The following GPR179 variants were observed in gnomAD, a reference collection of about 807,000 sequenced individuals.
GPR179 encodes the protein probable G protein-coupled receptor 179.
Under a neutral mutation model 70.8 loss-of-function variants are expected in GPR179, and 52 were observed. The ratio of observed to expected loss-of-function variants is 0.73; its 90% CI spans 0.59 to 0.93. The LOEUF (loss-of-function observed/expected upper bound fraction) is 0.93, where lower values mean the gene tolerates loss of function less well. GPR179 is among the 40% of genes least tolerant of loss of function. The pLI is 0.00. For synonymous variants in GPR179, 1,123 were observed against 1,169.0 expected (o/e 0.96, Z 0.80); for missense variants, 2,734 against 2,966.8 (o/e 0.92, Z 1.82).
At position 38,328,566 on chromosome 17, in the gene GPR179, G is replaced by A. The variant is rs1275072340; in HGVS notation, c.5003C>T (p.Thr1668Ile). Residue 1668 changes from threonine (T) to isoleucine (I), a missense_variant, in exon 11 of 11, where the codon ACA becomes ATA. By Grantham distance (89) the Thr-to-Ile change is moderately conservative. Coordinates refer to ENST00000616987, the MANE Select transcript of GPR179 (RefSeq NM_001004334.4). ...CTGGAGAAGGGTTTGGGGTCTCTCT[G>A]TGTCTTGAGGACGTGGTTGTGGGGA... is the stretch of plus-strand genomic sequence containing the variant. Reference protein sequence around the residue: ...SFSPQPRPQDTERPQTLLQMS... With the variant: ...SFSPQPRPQDIERPQTLLQMS... 1.9e-6 allele frequency: 3 copies of A among 1,614,108 alleles called. No individual in the cohort carries two copies. The South Asian group carries it at 3.3e-5, about 18-fold the overall frequency.
chr17:38,337,246 GC>G, intron 3 of GPR179, 33 bp from the exon 4 acceptor site: 1 of 1,561,364 alleles, frequency 6.4e-7, no homozygotes. Context: ...AGGGAGAGGG[GC>G]CCAGCTAGAG....
chr17:38,330,933 A>C lies in GPR179; in HGVS notation c.2636T>G (p.Met879Arg), dbSNP rs746726625. The change falls in exon 11 of 11, where the codon ATG becomes AGG. Residue 879 changes from methionine (M) to arginine (R), a missense_variant. Coordinates refer to ENST00000616987, the MANE Select transcript of GPR179 (RefSeq NM_001004334.4). ...REERKKAKAA[M>R]ASLVRRPSAR... ...TGATGGCCTCCGCACCAGGCTGGCC[A>C]TGGCTGCCTTGGCCTTCTTCCGCTC... 1.2e-6 allele frequency: 2 copies of C among 1,609,870 alleles called. No individual in the cohort carries two copies. Among genetic ancestry groups the C allele is most frequent in the Admixed American group, 3.4e-5 (2 of 59,568 alleles).
chr17:38,336,628 A>C (rs1315475758), intron 4 of GPR179, among the ~76,000 whole-genome samples: 1 of 152,038 alleles, frequency 6.6e-6, no homozygotes, highest in Non-Finnish European at 1.5e-5. Flanking sequence ...GCTGACAGAC[A>C]CCTCCATCCT....
rs1280034120 is a variant in GPR179 at position 38,327,286 on chromosome 17, C to G, written c.6283G>C (p.Asp2095His). ...LSPQPAPDAS[D>H]RSRGSSEAAG... is the part of the protein sequence containing the mutation. ...GCCTCAGAACTGCCTCTGCTTCTGTCAGAAGCATCTGGGGCTGGCTGTGGG... is the reference window on the plus strand; with the variant it reads ...GCCTCAGAACTGCCTCTGCTTCTGTGAGAAGCATCTGGGGCTGGCTGTGGG... The change falls in exon 11 of 11, where the codon GAC becomes CAC. Residue 2095 changes from aspartate (D) to histidine (H), a missense_variant. Transcript: ENST00000616987. 2 of 1,614,232 alleles carry G rather than the reference C, an allele frequency of 1.2e-6. No homozygotes were observed. Among genetic ancestry groups the G allele is most frequent in the South Asian group, 2.2e-5 (2 of 91,088 alleles).
At chr17:38,336,373 G>T (rs2037404651) in intron 4 of GPR179, among the ~76,000 whole-genome samples, 1 of 152,204 alleles carries the variant, frequency 6.6e-6, no homozygotes, top group Non-Finnish European at 1.5e-5. Context: ...ACACATCCCT[G>T]TGTTCCTCCC....
Position 38,326,823 on chromosome 17 carries a change from A to T in GPR179, c.6746T>A (p.Val2249Asp), listed in dbSNP as rs1454207425. The stretch of plus-strand genomic sequence containing the variant: ...CAGGAGGCCAGATTCCTCAGATGGG[A>T]CTCCAGTTTCCTCCCCAGGACAGAT... ...ADICPGEETG[V>D]PSEESGLLAL... Residue 2249 changes from valine to aspartate, a missense_variant, in exon 11 of 11, where the codon GTC (valine) becomes GAC (aspartate). Transcript: ENST00000616987. The T allele has an allele frequency of 1.2e-6, 2 of 1,613,804 alleles. No homozygotes were observed. The highest frequency in any genetic ancestry group is 1.7e-6 in the Non-Finnish European group (2 of 1,179,984).
chr17:38,328,003 C>T lies in GPR179; in HGVS notation c.5566G>A (p.Gly1856Arg). The part of the protein sequence containing the change: ...ALEKGRLTSL[G>R]EDVSKGMAKL... ...GCCATCCCTTTTGATACGTCTTCTC[C>T]CAGGGAAGTGAGTCTCCCCTTTTCT... The change falls in exon 11 of 11, where the codon GGA becomes AGA. Residue 1856 changes from glycine (G) to arginine (R), a missense_variant. Coordinates refer to ENST00000616987, the MANE Select transcript of GPR179 (RefSeq NM_001004334.4). 2 of 1,614,114 alleles carry T rather than the reference C, an allele frequency of 1.2e-6. No individual in the cohort carries two copies. Among genetic ancestry groups the T allele is most frequent in the Non-Finnish European group, 1.7e-6 (2 of 1,180,000 alleles).
chr17:38,340,604 G>C lies in GPR179; in HGVS notation c.795-1079C>G, dbSNP rs897845127. Among the ~76,000 whole-genome samples the C allele has an allele frequency of 2.0e-5, 3 of 152,184 alleles. No individual in the cohort carries two copies. The East Asian group carries it at 5.8e-4, about 29-fold the overall frequency. On this transcript the variant is annotated intron_variant, in intron 1 of 10. Transcript: ENST00000616987. ...TGCCACTGGGTCTTCATTTCTGAAGGCTCCTGTGTCATGTAAAACTTTGGC... is the reference window on the plus strand; with the variant it reads ...TGCCACTGGGTCTTCATTTCTGAAGCCTCCTGTGTCATGTAAAACTTTGGC...
Position 38,343,626 on chromosome 17 carries a change from C to T in GPR179, c.164G>A (p.Gly55Glu), listed in dbSNP as rs188849668. Residue 55 changes from glycine to glutamate, a missense_variant, in exon 1 of 11, where the codon GGG (glycine) becomes GAG (glutamate). Transcript: ENST00000616987. This position sits in a 1 kb window ranked among gnomAD's most constrained non-coding sequence, Gnocchi z 4.2. ...GAGATAAGCGAGGGCGGCCTCGGCC[C>T]CCTCTAGGGGCACCTGCATGGGTAC... ...GSVPMQVPLE[G>E]AEAALAYLYS... 3.1e-4 allele frequency: 498 copies of T among 1,613,784 alleles called. 2 individuals carry two copies. The African/African-American group carries it at 6.2e-3, about 20-fold the overall frequency.
chr17:38,328,681 C>T lies in GPR179; in HGVS notation c.4888G>A (p.Glu1630Lys), dbSNP rs149998444. Reference protein sequence around the residue: ...KEKMPGKSEIEDVTAWEKPEG... With the variant: ...KEKMPGKSEIKDVTAWEKPEG... ...GGCTTTTCCCAAGCTGTGACATCTT[C>T]GATTTCCGATTTTCCAGGCATTTTC... The change falls in exon 11 of 11, where the codon GAA (glutamate) becomes AAA (lysine). Residue 1630 changes from glutamate (E) to lysine (K), a missense_variant. Transcript: ENST00000616987. The T allele has an allele frequency of 1.9e-4, 306 of 1,614,110 alleles. No homozygotes were observed. The highest frequency in any genetic ancestry group is 1.9e-4 in the Non-Finnish European group (230 of 1,179,984).
chr17:38,335,144 C>A lies in GPR179; in HGVS notation c.1534G>T (p.Ala512Ser). 6.3e-7 allele frequency: 1 copy of A among 1,593,014 alleles called. No homozygotes were observed. Among genetic ancestry groups the A allele is most frequent in the Non-Finnish European group, 8.5e-7 (1 of 1,170,430 alleles). The change falls in exon 7 of 11, where the codon GCC becomes TCC. Residue 512 changes from alanine (A) to serine (S), a missense_variant. Ala to Ser is a moderately conservative substitution (Grantham distance 99). Transcript: ENST00000616987. ...LGFLAVWTVG[A>S]LERGIQHAPL... is the part of the protein sequence containing the mutation. ...GCGTGCTGGATGCCTCGCTCCAGGG[C>A]GCCCACGGTCCACACAGCCAGGAAG... is the stretch of plus-strand genomic sequence containing the variant.
At chr17:38,342,430 T>C (rs2037457123) in intron 1 of GPR179, among the ~76,000 whole-genome samples, 1 of 151,160 alleles carries the variant, frequency 6.6e-6, no homozygotes, top group African/African-American at 2.4e-5. Flanking sequence ...GCCTCTGGGG[T>C]TCAGGTTCAA....
rs2037269166 is a variant in GPR179 at position 38,324,732 on chromosome 17, G to C, written c.*1733C>G. Reference sequence around the variant, plus strand: ...TCCACTTTAGCTCAGAAGCCGTAAGGCTAACTAGCCAGAGCCCAGAACAAC... The same window carrying C: ...TCCACTTTAGCTCAGAAGCCGTAAGCCTAACTAGCCAGAGCCCAGAACAAC... On this transcript the variant is annotated 3_prime_UTR_variant, in exon 11 of 11. Transcript: ENST00000616987. 1.3e-5 allele frequency among the ~76,000 whole-genome samples: 2 copies of C among 151,998 alleles called. No individual in the cohort carries two copies. The highest frequency in any genetic ancestry group is 4.1e-4 in the South Asian group (2 of 4,826).
chr17:38,329,102 C>T lies in GPR179; in HGVS notation c.4467G>A (p.Gly1489=), dbSNP rs757270155. The part of the protein sequence containing the change: ...CPWELDDNVM[G]QEMLSLGTGR... Reference sequence around the variant, plus strand: ...CTGTCCCCAGACTCAGCATTTCCTGCCCCATCACGTTATCATCCAGCTCCC... The same window carrying T: ...CTGTCCCCAGACTCAGCATTTCCTGTCCCATCACGTTATCATCCAGCTCCC... Residue 1489 remains glycine (G), a synonymous_variant, in exon 11 of 11, where the codon GGG becomes GGA. Transcript: ENST00000616987. 8 of 1,613,938 alleles carry T rather than the reference C, an allele frequency of 5.0e-6. No homozygotes were observed. The highest frequency in any genetic ancestry group is 1.7e-4 in the Middle Eastern group (1 of 6,058).
rs1173077285 is a variant in GPR179, at chr17:38,327,016, C to T, written c.6553G>A (p.Gly2185Arg). 2.5e-6 allele frequency: 4 copies of T among 1,614,082 alleles called. No individual in the cohort carries two copies. The highest frequency in any genetic ancestry group is 3.4e-6 in the Non-Finnish European group (4 of 1,180,056). The change falls in exon 11 of 11, where the codon GGG (glycine) becomes AGG (arginine). Residue 2185 changes from glycine (G) to arginine (R), a missense_variant. Gly to Arg is a moderately radical substitution (Grantham distance 125). Coordinates refer to ENST00000616987, the MANE Select transcript of GPR179 (RefSeq NM_001004334.4). ...AGCCCTCCTGAGCCTGTGCCTTCCCCAGGGCAGACTGCCTCCTGCTCTCTG... is the reference window on the plus strand; with the variant it reads ...AGCCCTCCTGAGCCTGTGCCTTCCCTAGGGCAGACTGCCTCCTGCTCTCTG... The part of the protein sequence containing the change: ...KPREQEAVCP[G>R]EGTGSGGLLP...
intron 10 of GPR179, among the ~76,000 whole-genome samples, chr17:38,332,791 G>A (rs2037370668): frequency 6.6e-6 from 1 of 152,270 alleles, no homozygotes; most frequent in African/African-American, 2.4e-5. Context: ...TGTATTTCTA[G>A]TAGAGACGAG....
At position 38,330,189 on chromosome 17, in the gene GPR179, G is replaced by A. The variant is rs1597663848; in HGVS notation, c.3380C>T (p.Ser1127Phe). The A allele has an allele frequency of 7.6e-6, 12 of 1,569,286 alleles. No homozygotes were observed. The highest frequency in any genetic ancestry group is 4.1e-5 in the African/African-American group (3 of 73,706). ...GTAGESMGAP[S>F]RSPRLGRPKA... ...GGGCCGGCCTAGCCTGGGCGATCGG[G>A]AGGGTGCCCCCATACTCTCTCCCGC... The change falls in exon 11 of 11, where the codon TCC becomes TTC. Residue 1127 changes from serine to phenylalanine, a missense_variant. Coordinates refer to ENST00000616987, the MANE Select transcript of GPR179 (RefSeq NM_001004334.4).
At chr17:38,342,943 T>A in intron 1 of GPR179, 53 bp downstream of exon 1, 1 of 1,516,036 alleles carries the variant, frequency 6.6e-7, no homozygotes, top group Non-Finnish European at 8.9e-7. Flanking sequence ...GGACCTGTAC[T>A]TCCTTCCCCT....
In GPR179 at chr17:38,334,092, G is replaced by A; in HGVS notation, c.1785-54C>T. On this transcript the variant is annotated intron_variant, in intron 8 of 10. Coordinates refer to ENST00000616987, the MANE Select transcript of GPR179 (RefSeq NM_001004334.4). This position sits in a 1 kb window ranked among gnomAD's most constrained non-coding sequence, Gnocchi z 4.7. ...ACTGCAGGCAGGAGTTGCCTCTTCT[G>A]CTTTGCCTTCTCACTGGCGTTTCAC... 9 of 1,274,942 alleles carry A rather than the reference G, an allele frequency of 7.1e-6. No homozygotes were observed. Among genetic ancestry groups the A allele is most frequent in the South Asian group, 4.8e-5 (4 of 83,892 alleles). The allele number at this position is 1,274,942 out of a possible 1,614,324, so 79.0% of individuals were successfully genotyped here.
Sources: allele counts gnomAD v4.1 joint callset (sites outside exome capture counted in the v4.1 genomes callset), GRCh38; gene constraint gnomAD v4.1.1; non-coding constraint Gnocchi (gnomAD v3.1); transcripts MANE v1.5; gene names NCBI Gene and HGNC (gene_info 2026-07-23, HGNC 2026-07-21).